TP53I13: variants seen among roughly 807,000 people sequenced by gnomAD.
The protein encoded by TP53I13 is tumor protein p53-inducible protein 13.
In TP53I13, 27 loss-of-function variants were observed where a neutral mutation model predicts 39.1. The observed-to-expected ratio is 0.69, with a 90% confidence interval of 0.51 to 0.95. TP53I13 has a LOEUF of 0.95. Ranked by LOEUF, TP53I13 falls within the 40% of genes least tolerant of loss-of-function variation. The probability of loss-of-function intolerance (pLI) is 0.00; values close to 1 mark genes in which losing one functional copy is unlikely to be tolerated. For synonymous variants in TP53I13, 230 were observed against 224.6 expected, an observed-to-expected ratio of 1.02 and a Z score of -0.22; for missense variants, 544 against 520.4, an observed-to-expected ratio of 1.05 and a Z score of -0.44.
downstream of TP53I13, chr17:29,574,512 G>GC (rs772363287): frequency 2.0e-4 from 130 of 644,944 alleles, no homozygotes; most frequent in Middle Eastern, 5.6e-4. Context: ...AGAAGCTCCT[G>GC]CCCCCCCACC....
chr17:29,570,962 A>G (rs566438359), intron 3 of TP53I13: 1 of 152,492 alleles, frequency 6.6e-6, no homozygotes, highest in East Asian at 1.9e-4. Context: ...CCTCCTCTGA[A>G]TCTATCTCTG....
the TP53I13 span, chr17:29,581,840 TGAG>T: frequency 6.2e-7 from 1 of 1,611,982 alleles, no homozygotes; most frequent in South Asian, 1.1e-5. The surrounding 1 kb of genome is among the most constrained non-coding windows in gnomAD (Gnocchi z 4.8). Flanking sequence ...CGCCTGCCTG[TGAG>T]GAGGGGGTAT....
In TP53I13 at chr17:29,571,880, G is replaced by T. The variant is rs1198503078; in HGVS notation, c.336G>T (p.Gly112=). 9 of 1,613,086 alleles carry T rather than the reference G, an allele frequency of 5.6e-6. No homozygotes were observed. The highest frequency in any genetic ancestry group is 7.6e-6 in the Non-Finnish European group (9 of 1,179,916). ...QDRPLVLTAW[G]LALEMAWVEP... is the part of the protein sequence containing the mutation. ...AGCCCCTGGTGCTGACTGCATGGGG[G>T]CTGGCGCTGGAGATGGCCTGGGTAG... The change falls in exon 5 of 7, where the codon GGG becomes GGT. Residue 112 remains glycine, a synonymous_variant. Coordinates refer to ENST00000301057, the MANE Select transcript of TP53I13 (RefSeq NM_138349.4).
downstream of TP53I13, chr17:29,575,651 T>C (rs1162587843): frequency 6.2e-7 from 1 of 1,612,376 alleles, no homozygotes; most frequent in Admixed American, 1.7e-5. This position sits in a 1 kb window ranked among gnomAD's most constrained non-coding sequence, Gnocchi z 5.5. Context: ...GTCCCCACTT[T>C]GCGTGTTCTC....
At chr17:29,568,684 C>T, upstream of TP53I13, 1 of 1,012,382 alleles carries the variant, frequency 9.9e-7, no homozygotes, top group Non-Finnish European at 1.2e-6. This position sits in a 1 kb window ranked among gnomAD's most constrained non-coding sequence, Gnocchi z 4.5. Context: ...GGCGCTGGGG[C>T]TGGAGGGGCG....
downstream of TP53I13, chr17:29,577,053 G>A (rs2150829624): frequency 1.9e-6 from 3 of 1,607,214 alleles, no homozygotes; most frequent in East Asian, 6.7e-5. Context: ...CATCTCTCAG[G>A]TCACCACTGG....
At chr17:29,569,522 A>C in intron 3 of TP53I13, 163 bp downstream of exon 3, 3 of 647,882 alleles carry the variant, frequency 4.6e-6, no homozygotes, top group Non-Finnish European at 8.0e-6. Flanking sequence ...CCCAGGACAG[A>C]TCAGCCCCAG....
Position 29,572,154 on chromosome 17 carries a change from G to A in TP53I13, c.526G>A (p.Ala176Thr). Residue 176 changes from alanine to threonine, a missense_variant, in exon 6 of 7, where the codon GCC (alanine) becomes ACC (threonine). Physicochemically the swap from Ala to Thr is moderately conservative, Grantham distance 58. Coordinates refer to ENST00000301057, the MANE Select transcript of TP53I13 (RefSeq NM_138349.4). ...CTCCTCTCCTTAGGCCCTGGCTCTG[G>A]CCTTTGCTCTGCGGAGCTGGCGGCC... ...RRGCVQALAL[A>T]FALRSWRPPG... 1 of 1,608,276 alleles carries A rather than the reference G, an allele frequency of 6.2e-7. No individual in the cohort carries two copies. The highest frequency in any genetic ancestry group is 8.5e-7 in the Non-Finnish European group (1 of 1,176,806).
Position 29,572,183 on chromosome 17 carries a change from T to A in TP53I13, c.555T>A (p.Pro185=), listed in dbSNP as rs2032965610. ...LAFALRSWRP[P]GTEVTSQGPR... The stretch of plus-strand genomic sequence containing the variant: ...TTGCTCTGCGGAGCTGGCGGCCCCC[T>A]GGCACAGAGGTGACATCTCAAGGGC... Residue 185 remains proline (P), a synonymous_variant, in exon 6 of 7, where the codon CCT becomes CCA. Coordinates refer to ENST00000301057, the MANE Select transcript of TP53I13 (RefSeq NM_138349.4). 1 of 1,609,038 alleles carries A rather than the reference T, an allele frequency of 6.2e-7. No individual in the cohort carries two copies. The highest frequency in any genetic ancestry group is 8.5e-7 in the Non-Finnish European group (1 of 1,177,634).
At chr17:29,578,406 G>C in the TP53I13 span, 1 of 1,597,640 alleles carries the variant, frequency 6.3e-7, no homozygotes, top group Non-Finnish European at 8.6e-7. Flanking sequence ...GTTGTCAGAT[G>C]CATCGGCTCC....
chr17:29,568,857 C>G lies in TP53I13; in HGVS notation c.72+27C>G. On this transcript the variant is annotated intron_variant, in intron 1 of 6. Transcript: ENST00000301057. The surrounding 1 kb of genome is among the most constrained non-coding windows in gnomAD (Gnocchi z 4.5). ...TAAGGTGACCCGCTCCTGGGAAGGC[C>G]TCGGCCCGCGAGCTCAAAGCGCTTT... is the stretch of plus-strand genomic sequence containing the variant. 6.3e-7 allele frequency: 1 copy of G among 1,599,846 alleles called. No individual in the cohort carries two copies.
downstream of TP53I13, chr17:29,576,183 C>A: frequency 6.2e-7 from 1 of 1,609,728 alleles, no homozygotes; most frequent in Admixed American, 1.7e-5. Context: ...GCAGCCCCAC[C>A]CATCTCCCCA....
Position 29,568,835 on chromosome 17 carries a change from G to A in TP53I13, c.72+5G>A. ...AGGCTCCTGGGTCCCAGCGAGGTAA[G>A]GTGACCCGCTCCTGGGAAGGCCTCG... On this transcript the variant is annotated splice_donor_5th_base_variant and intron_variant, in intron 1 of 6. Transcript: ENST00000301057. The surrounding 1 kb of genome is among the most constrained non-coding windows in gnomAD (Gnocchi z 4.5). 1.2e-6 allele frequency: 2 copies of A among 1,600,088 alleles called. No homozygotes were observed. Among genetic ancestry groups the A allele is most frequent in the Non-Finnish European group, 1.7e-6 (2 of 1,179,586 alleles).
At chr17:29,568,630 G>A (rs1337087038), upstream of TP53I13, 3 of 482,326 alleles carry the variant, frequency 6.2e-6, no homozygotes, top group Non-Finnish European at 8.1e-6. This position sits in a 1 kb window ranked among gnomAD's most constrained non-coding sequence, Gnocchi z 4.5. Context: ...GGGCGCGCGC[G>A]AGCCCAGGGC....
chr17:29,579,351 A>G, the TP53I13 span: 1 of 312,734 alleles, frequency 3.2e-6, no homozygotes, highest in African/African-American at 2.1e-5. Flanking sequence ...TCCACCCAGC[A>G]GCCAGGGTGA....
chr17:29,572,252 G>A lies in TP53I13; in HGVS notation c.624G>A (p.Arg208=). The A allele has an allele frequency of 2.5e-6, 4 of 1,612,724 alleles. No individual in the cohort carries two copies. The highest frequency in any genetic ancestry group is 3.4e-6 in the Non-Finnish European group (4 of 1,179,998). The change falls in exon 6 of 7, where the codon CGG becomes CGA. Residue 208 remains arginine (R), a synonymous_variant. Transcript: ENST00000301057. ...GTGGTGCCAAGAGGCGGAGGCTGCG[G>A]GCTGCCCTTGGTCCCCAGCCCACTC... is the stretch of plus-strand genomic sequence containing the variant. ...SSSGAKRRRL[R]AALGPQPTRS... is the part of the protein sequence containing the mutation.
upstream of TP53I13, chr17:29,567,416 G>GT (rs2032748115): frequency 6.6e-6 from 1 of 151,970 alleles, no homozygotes; most frequent in East Asian, 1.9e-4. This position sits in a 1 kb window ranked among gnomAD's most constrained non-coding sequence, Gnocchi z 6.6. Flanking sequence ...GGAGAGGTGA[G>GT]TAAGTCGCAG....
downstream of TP53I13, chr17:29,576,314 G>A (rs1391014546): frequency 6.2e-7 from 1 of 1,613,010 alleles, no homozygotes; most frequent in Admixed American, 1.7e-5. Context: ...CATGGAAAAG[G>A]CCTGGCGATC....
chr17:29,568,674 G>GGCGCTGGGGCTGGAGGGGCGGGGC (rs2032795771), upstream of TP53I13: 8 of 925,484 alleles, frequency 8.6e-6, no homozygotes, highest in Non-Finnish European at 1.0e-5. This position sits in a 1 kb window ranked among gnomAD's most constrained non-coding sequence, Gnocchi z 4.5. Flanking sequence ...GCGGCGCGGG[G>GGCGCTGGGGCTGGAGGGGCGGGGC]GCGCTGGGGC....
Sources: allele counts gnomAD v4.1 joint callset, GRCh38; gene constraint gnomAD v4.1.1; non-coding constraint Gnocchi (gnomAD v3.1); transcripts MANE v1.5; gene names NCBI Gene and HGNC (gene_info 2026-07-23, HGNC 2026-07-21).